The following DAB1 variants were observed in gnomAD, a reference collection of about 807,000 sequenced individuals.
The protein encoded by DAB1 is disabled homolog 1.
Under a neutral mutation model 64.6 loss-of-function variants are expected in DAB1, and 15 were observed. The ratio of observed to expected loss-of-function variants is 0.23; its 90% CI spans 0.16 to 0.36. The LOEUF (loss-of-function observed/expected upper bound fraction) is 0.36. Among genes scored for constraint, DAB1 ranks in the 10% least tolerant of loss-of-function variants. DAB1 has a pLI of 1.00. For synonymous variants in DAB1, 235 were observed against 251.9 expected, an observed-to-expected ratio of 0.93 and a Z score of 0.64; for missense variants, 596 against 706.7, an observed-to-expected ratio of 0.84 and a Z score of 1.78.
intron 5 of DAB1, among the ~76,000 whole-genome samples, chr1:58,010,950 T>C (rs1056650998): frequency 6.6e-6 from 1 of 152,242 alleles, no homozygotes; most frequent in East Asian, 1.9e-4. Context: ...CATTTTCTTA[T>C]AAATTTCTTT....
chr1:57,488,837 A>T (rs1479352881), intron 7 of DAB1, among the ~76,000 whole-genome samples: 1 of 152,218 alleles, frequency 6.6e-6, no homozygotes, highest in Non-Finnish European at 1.5e-5. Context: ...TTTCTCATCC[A>T]CAAAATGAAA....
At chr1:57,941,444 G>A (rs1243496346) in intron 5 of DAB1, among the ~76,000 whole-genome samples, 1 of 152,184 alleles carries the variant, frequency 6.6e-6, no homozygotes, top group Non-Finnish European at 1.5e-5. Context: ...ATCTCCAACA[G>A]CTGTTATAAG....
intron 4 of DAB1, among the ~76,000 whole-genome samples, chr1:57,104,792 G>A (rs1002123069): frequency 2.6e-5 from 4 of 152,098 alleles, no homozygotes; most frequent in Non-Finnish European, 1.5e-5. Flanking sequence ...AAGAAGTTGG[G>A]TGGGGGCTGG....
intron 4 of DAB1, among the ~76,000 whole-genome samples, chr1:58,154,070 T>C (rs1655089457): frequency 6.6e-6 from 1 of 151,914 alleles, no homozygotes; most frequent in South Asian, 2.1e-4. Context: ...AAACAACTTA[T>C]TTGTGTTTCC....
chr1:58,327,872 A>C (rs903383467), intron 4 of DAB1, among the ~76,000 whole-genome samples: 2 of 152,170 alleles, frequency 1.3e-5, no homozygotes, highest in African/African-American at 4.8e-5. Context: ...AGCAGTCCAC[A>C]TTTGTTAGCT....
At chr1:57,637,503 T>C (rs1646071574) in intron 7 of DAB1, among the ~76,000 whole-genome samples, 2 of 152,164 alleles carry the variant, frequency 1.3e-5, no homozygotes. Flanking sequence ...GAGGTCATCA[T>C]GCAGTCTGAG....
At chr1:57,649,146 T>A (rs1422558124) in intron 7 of DAB1, among the ~76,000 whole-genome samples, 1 of 152,218 alleles carries the variant, frequency 6.6e-6, no homozygotes, top group Non-Finnish European at 1.5e-5. Flanking sequence ...TCTTACATAT[T>A]GTTTGAGTTT....
intron 4 of DAB1, among the ~76,000 whole-genome samples, chr1:58,296,236 A>AGAAAG (rs1661986945): frequency 6.6e-6 from 1 of 151,788 alleles, no homozygotes; most frequent in East Asian, 1.9e-4. Context: ...AAAGAAAGAA[A>AGAAAG]GAAAGAAAGA....
At chr1:57,973,794 T>G (rs958309135) in intron 5 of DAB1, among the ~76,000 whole-genome samples, 6 of 152,104 alleles carry the variant, frequency 3.9e-5, no homozygotes, top group Admixed American at 3.3e-4. Context: ...TTTCCCAGAC[T>G]TTTATATTAG....
At chr1:58,432,744 T>C (rs74721996) in intron 3 of DAB1, among the ~76,000 whole-genome samples, 2,539 of 152,304 alleles carry the variant, frequency 0.017, 37 homozygotes, top group South Asian at 0.029. Flanking sequence ...GCCCCAATAA[T>C]AGGAGTGTTT....
At chr1:57,645,665 T>C (rs186635578) in intron 7 of DAB1, among the ~76,000 whole-genome samples, 3 of 152,358 alleles carry the variant, frequency 2.0e-5, no homozygotes, top group East Asian at 1.9e-4. Context: ...ACAACAATAC[T>C]CTATGGAAAG....
At chr1:57,177,049 T>G (rs954678550) in intron 2 of DAB1, among the ~76,000 whole-genome samples, 3 of 146,130 alleles carry the variant, frequency 2.1e-5, no homozygotes. Context: ...AAATGTGTCC[T>G]CCCCTCTACC....
At chr1:57,080,326 A>G (rs1652380236) in intron 4 of DAB1, among the ~76,000 whole-genome samples, 1 of 152,198 alleles carries the variant, frequency 6.6e-6, no homozygotes, top group Non-Finnish European at 1.5e-5. Context: ...TCCTGTGTCC[A>G]GGTCTCTCTC....
chr1:57,310,809 T>G (rs1045131905), intron 1 of DAB1, among the ~76,000 whole-genome samples: 2 of 152,118 alleles, frequency 1.3e-5, no homozygotes, highest in African/African-American at 4.8e-5. Context: ...GAAACTTAGA[T>G]GCAGAGAGTT....
intron 7 of DAB1, among the ~76,000 whole-genome samples, chr1:57,508,229 T>G (rs924816689): frequency 6.6e-6 from 1 of 152,336 alleles, no homozygotes; most frequent in Non-Finnish European, 1.5e-5. Flanking sequence ...AGCAATGATT[T>G]TCTTTTCCAT....
chr1:57,213,130 A>C (rs1666158866), intron 2 of DAB1, among the ~76,000 whole-genome samples: 1 of 152,026 alleles, frequency 6.6e-6, no homozygotes, highest in Non-Finnish European at 1.5e-5. Flanking sequence ...GAAAAAAGGC[A>C]AGCTACAGAT....
intron 6 of DAB1, among the ~76,000 whole-genome samples, chr1:57,665,354 G>A (rs4912274): frequency 0.28 from 42,020 of 151,994 alleles, 6,735 homozygotes; most frequent in Non-Finnish European, 0.38. Context: ...ACTTAATAGT[G>A]CTAGTAGGGA....
intron 6 of DAB1, among the ~76,000 whole-genome samples, chr1:57,769,902 C>T (rs1475895426): frequency 6.6e-6 from 1 of 152,090 alleles, no homozygotes; most frequent in Non-Finnish European, 1.5e-5. Flanking sequence ...CTTTGCTCCT[C>T]TGTGATAGCC....
At chr1:58,300,584 GAAAGAAA>G (rs1662108150) in intron 4 of DAB1, among the ~76,000 whole-genome samples, 1 of 22,566 alleles carries the variant, frequency 4.4e-5, no homozygotes, top group African/African-American at 1.2e-4. Context: ...AAGAAAGAAA[GAAAGAAA>G]GAAAGAAAGA....
Sources: allele counts gnomAD v4.1 joint callset (sites outside exome capture counted in the v4.1 genomes callset), GRCh38; gene constraint gnomAD v4.1.1; transcripts MANE v1.5; gene names NCBI Gene and HGNC (gene_info 2026-07-23, HGNC 2026-07-21).